Variants in CSNK1G1 observed in about 807,000 individuals in gnomAD.
CSNK1G1 encodes the protein casein kinase I isoform gamma-1.
Under a neutral mutation model 59.6 loss-of-function variants are expected in CSNK1G1, and 22 were observed. That is an observed-to-expected ratio of 0.37 (90% confidence interval 0.26 to 0.53). The LOEUF is 0.53. Among genes scored for constraint, CSNK1G1 ranks in the 20% least tolerant of loss-of-function variants. CSNK1G1 has a pLI of 0.89. For missense variants in CSNK1G1, 384 were observed against 519.5 expected, an observed-to-expected ratio of 0.74 and a Z score of 2.54; for synonymous variants, 179 against 177.1, an observed-to-expected ratio of 1.01 and a Z score of -0.08.
chr15:64,274,483 T>C (rs141283136), intron 2 of CSNK1G1, among the ~76,000 whole-genome samples: 2,207 of 152,298 alleles, frequency 0.014, 33 homozygotes, highest in Middle Eastern at 0.041. Flanking sequence ...AAAAGTACCA[T>C]TGATGAGCTG....
intron 1 of CSNK1G1, among the ~76,000 whole-genome samples, chr15:64,354,520 T>A (rs988632282): frequency 6.6e-6 from 1 of 152,228 alleles, no homozygotes; most frequent in African/African-American, 2.4e-5. Flanking sequence ...TCTACTTTAT[T>A]ATTTTGAATT....
chr15:64,177,509 G>A (rs2081755516), intron 11 of CSNK1G1, among the ~76,000 whole-genome samples: 1 of 152,202 alleles, frequency 6.6e-6, no homozygotes. Flanking sequence ...TAAGCCATGA[G>A]CTTCGGGATG....
chr15:64,272,509 G>A (rs981732109), intron 2 of CSNK1G1, among the ~76,000 whole-genome samples: 3 of 151,942 alleles, frequency 2.0e-5, no homozygotes, highest in African/African-American at 2.4e-5. Flanking sequence ...GAGACACCAC[G>A]CCCGGCCCCA....
chr15:64,234,923 C>T (rs1365877438), intron 4 of CSNK1G1, among the ~76,000 whole-genome samples: 1 of 152,072 alleles, frequency 6.6e-6, no homozygotes, highest in East Asian at 1.9e-4. Flanking sequence ...TCAATCTCTG[C>T]TAGGGCTTAA....
intron 2 of CSNK1G1, among the ~76,000 whole-genome samples, chr15:64,279,954 A>G (rs1367515362): frequency 6.6e-6 from 1 of 151,426 alleles, no homozygotes; most frequent in Non-Finnish European, 1.5e-5. Flanking sequence ...CCTGGGCAAC[A>G]GAGCGAGACT....
At chr15:64,335,455 CA>C (rs756823696) in intron 1 of CSNK1G1, among the ~76,000 whole-genome samples, 60 of 152,230 alleles carry the variant, frequency 3.9e-4, no homozygotes, top group Admixed American at 6.5e-4. Flanking sequence ...ACTTTGGTAA[CA>C]AAGTCAGTCA....
intron 6 of CSNK1G1, 142 bp downstream of exon 6, chr15:64,213,748 T>A (rs992385405): frequency 7.8e-6 from 5 of 643,420 alleles, no homozygotes; most frequent in Admixed American, 2.9e-5. Context: ...ACTTACCATC[T>A]CAACTTCTCA....
At chr15:64,326,019 G>C (rs1258896421) in intron 1 of CSNK1G1, among the ~76,000 whole-genome samples, 1 of 152,130 alleles carries the variant, frequency 6.6e-6, no homozygotes, top group Non-Finnish European at 1.5e-5. Flanking sequence ...TTTAAGCCAT[G>C]AACTACAAAA....
intron 2 of CSNK1G1, among the ~76,000 whole-genome samples, chr15:64,281,805 A>G (rs892329047): frequency 6.6e-6 from 1 of 151,836 alleles, no homozygotes; most frequent in Admixed American, 6.6e-5. Flanking sequence ...GTGCCGAGAA[A>G]AAAAAAAAAG....
At chr15:64,275,391 A>G (rs191263958) in intron 2 of CSNK1G1, among the ~76,000 whole-genome samples, 2 of 152,308 alleles carry the variant, frequency 1.3e-5, no homozygotes, top group East Asian at 1.9e-4. Context: ...AACGATAGCA[A>G]TACAACTCTA....
intron 4 of CSNK1G1, among the ~76,000 whole-genome samples, chr15:64,233,062 T>A (rs2082569274): frequency 6.6e-6 from 1 of 152,170 alleles, no homozygotes; most frequent in Non-Finnish European, 1.5e-5. Flanking sequence ...CATGGGTGTA[T>A]TTCTAGAACC....
chr15:64,317,495 A>G (rs1320712994), intron 1 of CSNK1G1, among the ~76,000 whole-genome samples: 4 of 141,924 alleles, frequency 2.8e-5, no homozygotes, highest in Non-Finnish European at 6.2e-5. Context: ...ATTATCAAAT[A>G]CTTTTTTTGT....
chr15:64,255,370 C>T (rs140015870), intron 3 of CSNK1G1, among the ~76,000 whole-genome samples: 21 of 152,250 alleles, frequency 1.4e-4, no homozygotes, highest in African/African-American at 5.1e-4. Flanking sequence ...CCACCACACC[C>T]CGCCTATTTG....
At chr15:64,324,201 C>T (rs1896720159) in intron 1 of CSNK1G1, among the ~76,000 whole-genome samples, 1 of 152,154 alleles carries the variant, frequency 6.6e-6, no homozygotes. Flanking sequence ...AATACCGAAG[C>T]ATATGATTGT....
At position 64,176,541 on chromosome 15, in the gene CSNK1G1, CAG is replaced by C. The variant is rs1725547273; in HGVS notation, c.1214+3805_1214+3806del. Among the ~76,000 whole-genome samples, 1 of 152,138 alleles carries C rather than the reference CAG, an allele frequency of 6.6e-6. No individual in the cohort carries two copies. Among genetic ancestry groups the C allele is most frequent in the Admixed American group, 6.5e-5 (1 of 15,274 alleles). On this transcript the variant is annotated intron_variant, in intron 11 of 11. Transcript: ENST00000303052. The surrounding 1 kb of genome is among the most constrained non-coding windows in gnomAD (Gnocchi z 5.2). ...GCTGGATCTCAGGGGTAAGGCAAAA[CAG>C]AAAGAGTTGGTAGGAGCTCCAGGGT...
rs1427690336 is a variant in CSNK1G1, at chr15:64,216,556, A to G, written c.444+6T>C. 4 of 1,613,470 alleles carry G rather than the reference A, an allele frequency of 2.5e-6. No individual in the cohort carries two copies. In the African/African-American group the frequency reaches 4.0e-5, roughly 16 times the overall value. ...ATTCTCTTCTAGAAGAGCAATTCCA[A>G]CTTACCAGCTGGATGGCTATCATTA... On this transcript the variant is annotated splice_donor_region_variant and intron_variant, in intron 5 of 11. Coordinates refer to ENST00000303052, the MANE Select transcript of CSNK1G1 (RefSeq NM_022048.5). The surrounding 1 kb of genome is among the most constrained non-coding windows in gnomAD (Gnocchi z 4.6).
chr15:64,223,442 G>C (rs2082417081), intron 4 of CSNK1G1, among the ~76,000 whole-genome samples: 1 of 152,148 alleles, frequency 6.6e-6, no homozygotes, highest in Non-Finnish European at 1.5e-5. Context: ...AAGGAAGTGG[G>C]AGACTCAGGC....
At chr15:64,294,077 A>G (rs1309443404) in intron 2 of CSNK1G1, among the ~76,000 whole-genome samples, 2 of 152,162 alleles carry the variant, frequency 1.3e-5, no homozygotes, top group East Asian at 3.9e-4. Flanking sequence ...CAATAAAAAG[A>G]GGCTTCTTTT....
intron 10 of CSNK1G1, among the ~76,000 whole-genome samples, chr15:64,198,192 C>G: frequency 9.0e-6 from 1 of 110,564 alleles, no homozygotes; most frequent in Non-Finnish European, 1.8e-5. Context: ...ACAGGATATA[C>G]TTTTTTTTTT....
Sources: gnomAD v4.1 joint callset for allele counts (sites outside exome capture counted in the v4.1 genomes callset) on GRCh38, gnomAD v4.1.1 for gene constraint, Gnocchi (gnomAD v3.1) non-coding constraint, MANE v1.5 for transcripts, NCBI Gene and HGNC (gene_info 2026-07-23, HGNC 2026-07-21) for gene names.